The following SLC25A12 variants were observed in gnomAD, a reference collection of about 807,000 sequenced individuals.
SLC25A12 encodes the protein electrogenic aspartate/glutamate antiporter SLC25A12, mitochondrial.
Under a neutral mutation model 83.3 loss-of-function variants are expected in SLC25A12, and 32 were observed. The observed-to-expected ratio is 0.38, with a 90% confidence interval of 0.29 to 0.52. SLC25A12 has a LOEUF of 0.52. Among genes scored for constraint, SLC25A12 ranks in the 20% least tolerant of loss-of-function variants. SLC25A12 has a pLI of 0.84. For synonymous variants in SLC25A12, 267 were observed against 291.1 expected, an observed-to-expected ratio of 0.92 and a Z score of 0.84; for missense variants, 611 against 835.6, an observed-to-expected ratio of 0.73 and a Z score of 3.31.
chr2:171,816,099 T>C (rs1213283168), intron 9 of SLC25A12, among the ~76,000 whole-genome samples: 1 of 144,254 alleles, frequency 6.9e-6, no homozygotes, highest in African/African-American at 2.6e-5. Flanking sequence ...AGGGTTTCAC[T>C]CTGATGCCTA....
chr2:171,806,250 G>A (rs977513586), intron 13 of SLC25A12, among the ~76,000 whole-genome samples: 11 of 151,990 alleles, frequency 7.2e-5, no homozygotes, highest in Admixed American at 2.6e-4. Context: ...ACCTGAGGTC[G>A]GGAGTTTGAG....
At chr2:171,890,806 G>C (rs138742478) in intron 2 of SLC25A12, among the ~76,000 whole-genome samples, 138 of 152,100 alleles carry the variant, frequency 9.1e-4, no homozygotes, top group African/African-American at 3.1e-3. Flanking sequence ...TTCTTGCTGC[G>C]TTAGGCCTTT....
chr2:171,834,983 C>T, intron 6 of SLC25A12, 118 bp from the exon 7 acceptor site: 1 of 1,031,348 alleles, frequency 9.7e-7, no homozygotes, highest in South Asian at 1.4e-5. Context: ...ATGATGTTAA[C>T]AACCAGTACA....
intron 2 of SLC25A12, among the ~76,000 whole-genome samples, chr2:171,882,168 T>C (rs766177577): frequency 1.3e-5 from 2 of 152,288 alleles, no homozygotes; most frequent in African/African-American, 2.4e-5. Context: ...ATGCTATACA[T>C]AAACAGTTCT....
chr2:171,819,191 ATTATATAT>A (rs1305520064), intron 9 of SLC25A12, among the ~76,000 whole-genome samples: 2 of 135,480 alleles, frequency 1.5e-5, no homozygotes, highest in East Asian at 4.0e-4. Flanking sequence ...TATAATACGT[ATTATATAT>A]TAATATATAA....
At chr2:171,858,802 A>G (rs1444218764) in intron 3 of SLC25A12, among the ~76,000 whole-genome samples, 1 of 152,192 alleles carries the variant, frequency 6.6e-6, no homozygotes, top group Non-Finnish European at 1.5e-5. Context: ...AACAGGGCTC[A>G]TCAGTTATCT....
intron 2 of SLC25A12, among the ~76,000 whole-genome samples, chr2:171,880,557 C>A (rs865978145): frequency 6.6e-6 from 1 of 152,164 alleles, no homozygotes; most frequent in South Asian, 2.1e-4. Context: ...GGATTACAGG[C>A]ATGAGCCTCA....
At chr2:171,860,120 A>C (rs1685123705) in intron 3 of SLC25A12, among the ~76,000 whole-genome samples, 1 of 152,098 alleles carries the variant, frequency 6.6e-6, no homozygotes, top group Non-Finnish European at 1.5e-5. Flanking sequence ...AAGCCACTGA[A>C]CTGTCCACTT....
intron 13 of SLC25A12, among the ~76,000 whole-genome samples, chr2:171,794,803 A>G (rs1223160653): frequency 1.3e-5 from 2 of 152,214 alleles, no homozygotes; most frequent in Admixed American, 1.3e-4. Context: ...AATGATATTC[A>G]TATCATTATA....
intron 2 of SLC25A12, among the ~76,000 whole-genome samples, chr2:171,877,885 T>C (rs1280924152): frequency 1.3e-5 from 2 of 152,180 alleles, no homozygotes; most frequent in Non-Finnish European, 2.9e-5. Context: ...ATGTTTTATA[T>C]CTCTAAAAGA....
At chr2:171,855,173 T>C (rs950244938) in intron 4 of SLC25A12, among the ~76,000 whole-genome samples, 13 of 152,358 alleles carry the variant, frequency 8.5e-5, no homozygotes, top group African/African-American at 3.1e-4. Context: ...TTACTAAACA[T>C]ATACTAATTT....
intron 4 of SLC25A12, among the ~76,000 whole-genome samples, chr2:171,846,400 T>A (rs1439850379): frequency 6.6e-6 from 1 of 152,104 alleles, no homozygotes; most frequent in Admixed American, 6.5e-5. Flanking sequence ...AATGGTAGAA[T>A]GAAATTGAAT....
At chr2:171,833,427 A>T (rs530996381) in intron 8 of SLC25A12, among the ~76,000 whole-genome samples, 1 of 152,266 alleles carries the variant, frequency 6.6e-6, no homozygotes, top group African/African-American at 2.4e-5. Context: ...AGAAAGAAAC[A>T]CAGGGTCTGG....
chr2:171,867,367 C>T (rs1370042080), intron 3 of SLC25A12, among the ~76,000 whole-genome samples: 1 of 152,108 alleles, frequency 6.6e-6, no homozygotes, highest in Non-Finnish European at 1.5e-5. Context: ...GAACCAGACT[C>T]GGTCTGCAAT....
At chr2:171,786,220 T>A (rs1190706333) in intron 17 of SLC25A12, among the ~76,000 whole-genome samples, 17 of 141,462 alleles carry the variant, frequency 1.2e-4, no homozygotes, top group Admixed American at 5.0e-4. Context: ...CTAAAAATAT[T>A]AAAAAAAAAA....
intron 2 of SLC25A12, 136 bp downstream of exon 2, chr2:171,893,069 T>G: frequency 1.5e-6 from 1 of 670,878 alleles, no homozygotes; most frequent in Non-Finnish European, 2.6e-6. Flanking sequence ...AAGAGAAGTA[T>G]AAGCTATATT....
intron 2 of SLC25A12, among the ~76,000 whole-genome samples, chr2:171,870,290 T>C (rs527825550): frequency 1.4e-4 from 22 of 152,340 alleles, no homozygotes; most frequent in Non-Finnish European, 2.6e-4. Context: ...ACAGTATTTA[T>C]AGTCATAATA....
intron 4 of SLC25A12, among the ~76,000 whole-genome samples, chr2:171,846,165 A>C (rs2105896914): frequency 1.3e-5 from 2 of 152,282 alleles, no homozygotes; most frequent in Middle Eastern, 6.8e-3. Flanking sequence ...AAATTAATTA[A>C]TTTCTTACTT....
intron 5 of SLC25A12, among the ~76,000 whole-genome samples, chr2:171,839,318 C>G (rs1381769446): frequency 6.6e-6 from 1 of 152,140 alleles, no homozygotes; most frequent in Admixed American, 6.5e-5. Flanking sequence ...AGTTTCAAAT[C>G]TGTGCTCATC....
Sources: allele counts gnomAD v4.1 joint callset (sites outside exome capture counted in the v4.1 genomes callset), GRCh38; gene constraint gnomAD v4.1.1; transcripts MANE v1.5; gene names NCBI Gene and HGNC (gene_info 2026-07-23, HGNC 2026-07-21).